The following CCDC32 variants were observed in gnomAD, a reference collection of about 807,000 sequenced individuals.
The protein encoded by CCDC32 is coiled-coil domain-containing protein 32.
Under a neutral mutation model 20.1 loss-of-function variants are expected in CCDC32, and 9 were observed. The ratio of observed to expected loss-of-function variants is 0.45; its 90% CI spans 0.27 to 0.78. The LOEUF is 0.78. Ranked by LOEUF, CCDC32 falls within the 30% of genes least tolerant of loss-of-function variation. The pLI, the probability that CCDC32 is intolerant of heterozygous loss-of-function variation, is 0.16. For missense variants in CCDC32, 204 were observed against 215.5 expected (o/e 0.95, Z 0.33); for synonymous variants, 63 against 79.0 (o/e 0.80, Z 1.07).
downstream of CCDC32, chr15:40,534,858 A>T (rs564651536): frequency 2.4e-5 from 17 of 702,258 alleles, no homozygotes; most frequent in Middle Eastern, 2.3e-4. Flanking sequence ...AGGGACACAA[A>T]CACACAGTCC....
intron 2 of CCDC32, 39 bp downstream of exon 2, chr15:40,562,733 C>A (rs774566913): frequency 1.9e-6 from 3 of 1,578,450 alleles, no homozygotes; most frequent in Admixed American, 3.7e-5. Flanking sequence ...TTTGATGTAA[C>A]AGAACTTCAA....
rs1257814086 is a variant in CCDC32, at chr15:40,553,682, C to T, written c.*289G>A. The stretch of plus-strand genomic sequence containing the variant: ...CTAACCTGCAGAGACAGAGCTCAGC[C>T]AAGCTGTGAGACACAGAGGAAAGCA... On this transcript the variant is annotated 3_prime_UTR_variant, in exon 4 of 4. Coordinates refer to ENST00000416810, the MANE Select transcript of CCDC32 (RefSeq NM_001080792.4). The T allele has an allele frequency of 8.4e-7, 1 of 1,189,828 alleles. No individual in the cohort carries two copies. The highest frequency in any genetic ancestry group is 1.0e-6 in the Non-Finnish European group (1 of 961,754). 73.7% of individuals were successfully genotyped at this position (1,189,828 alleles called of 1,614,324 possible).
chr15:40,522,336 C>T, the CCDC32 span, among the ~76,000 whole-genome samples: 1 of 152,300 alleles, frequency 6.6e-6, no homozygotes, highest in African/African-American at 2.4e-5. Context: ...TATGGCAGTA[C>T]CACACTGTCT....
At chr15:40,564,799 A>T (rs199641133) in intron 1 of CCDC32, 177 bp downstream of exon 1, 81 of 1,614,164 alleles carry the variant, frequency 5.0e-5, no homozygotes, top group Non-Finnish European at 6.0e-5. Context: ...ACCCCAGGGC[A>T]GGGCGTCCAG....
intron 3 of CCDC32, among the ~76,000 whole-genome samples, chr15:40,541,358 A>G (rs1309945088): frequency 1.4e-5 from 2 of 147,164 alleles, no homozygotes; most frequent in African/African-American, 5.1e-5. Context: ...TTTGAGACGG[A>G]GTCTCGCTCT....
intron 2 of CCDC32, among the ~76,000 whole-genome samples, chr15:40,559,106 C>T (rs1595894260): frequency 6.9e-6 from 1 of 145,228 alleles, no homozygotes; most frequent in African/African-American, 2.6e-5. Flanking sequence ...CTCTCTTTCT[C>T]AACAAGGTCT....
chr15:40,522,519 T>G, the CCDC32 span, among the ~76,000 whole-genome samples: 1 of 152,240 alleles, frequency 6.6e-6, no homozygotes, highest in African/African-American at 2.4e-5. Context: ...TTGCTGTAGA[T>G]TGCAATGAAT....
intron 2 of CCDC32, among the ~76,000 whole-genome samples, chr15:40,560,870 G>A (rs1439514025): frequency 6.6e-6 from 1 of 152,162 alleles, no homozygotes; most frequent in East Asian, 1.9e-4. Context: ...ACTACGAGGT[G>A]TTTACCCAAA....
At chr15:40,553,053 C>T, downstream of CCDC32, 2 of 937,918 alleles carry the variant, frequency 2.1e-6, no homozygotes, top group Non-Finnish European at 2.5e-6. Context: ...TGCCTGGGAA[C>T]ATCCTTCCAG....
At chr15:40,559,276 A>G (rs970836913) in intron 2 of CCDC32, among the ~76,000 whole-genome samples, 1 of 152,190 alleles carries the variant, frequency 6.6e-6, no homozygotes, top group Non-Finnish European at 1.5e-5. Context: ...ATTTGTAAAG[A>G]CAGTCTCACT....
At chr15:40,549,130 T>C (rs1889739340), downstream of CCDC32, among the ~76,000 whole-genome samples, 1 of 152,172 alleles carries the variant, frequency 6.6e-6, no homozygotes, top group Admixed American at 6.5e-5. Flanking sequence ...ATGGCAGCCA[T>C]AACCTTCTAG....
downstream of CCDC32, among the ~76,000 whole-genome samples, chr15:40,524,179 C>T (rs958214838): frequency 6.6e-5 from 6 of 90,702 alleles, no homozygotes; most frequent in East Asian, 3.6e-4. Flanking sequence ...TTTTTTGAGA[C>T]GGGAGTCTGG....
chr15:40,534,956 C>T (rs1041137554), downstream of CCDC32: 1 of 702,386 alleles, frequency 1.4e-6, no homozygotes, highest in African/African-American at 1.7e-5. Context: ...TATGATCTGC[C>T]ACTTGGTATC....
intron 2 of CCDC32, among the ~76,000 whole-genome samples, chr15:40,559,037 C>G (rs745623728): frequency 6.6e-6 from 1 of 151,918 alleles, no homozygotes; most frequent in Non-Finnish European, 1.5e-5. Flanking sequence ...CTCCTGACCT[C>G]ATGTGATCTG....
Position 40,539,301 on chromosome 15 carries a change from C to T in CCDC32, c.456G>A (p.Trp152Ter). 6.5e-7 allele frequency: 1 copy of T among 1,535,578 alleles called. No individual in the cohort carries two copies. Among genetic ancestry groups the T allele is most frequent in the Non-Finnish European group, 8.7e-7 (1 of 1,146,736 alleles). ...TCTGCTCAGCACACTGGTGGCTGTCCCACGCTCCATCCTCAGAAAAGCTGC... is the reference window on the plus strand; with the variant it reads ...TCTGCTCAGCACACTGGTGGCTGTCTCACGCTCCATCCTCAGAAAAGCTGC... Residue 152 changes from tryptophan (W) to a stop codon, truncating the protein, a stop_gained, in exon 4 of 4, where the codon TGG becomes TGA. Coordinates refer to the CCDC32 transcript ENST00000558113. LOFTEE classifies it high-confidence loss of function.
chr15:40,553,842 T>C lies in CCDC32; in HGVS notation c.*129A>G, dbSNP rs2141631795. 7.1e-7 allele frequency: 1 copy of C among 1,414,372 alleles called. No homozygotes were observed. Among genetic ancestry groups the C allele is most frequent in the South Asian group, 1.6e-5 (1 of 61,322 alleles). 87.6% of individuals were successfully genotyped at this position (1,414,372 alleles called of 1,614,324 possible). ...AATTTGGGTTTTTTCCTTCAGTGGA[T>C]TTCTCCCTGCTGCTGTCACTGAGCT... On this transcript the variant is annotated 3_prime_UTR_variant, in exon 4 of 4. Coordinates refer to ENST00000416810, the MANE Select transcript of CCDC32 (RefSeq NM_001080792.4).
At chr15:40,539,333 C>T in exon 4 of CCDC32, 1 of 1,535,570 alleles carries the variant, frequency 6.5e-7, no homozygotes. Context: ...CTGCTGCTGC[C>T]AGGGGTTCTG....
chr15:40,553,576 T>A lies in CCDC32; in HGVS notation c.*395A>T, dbSNP rs1890015041. ...AATGTCCGGAAGAGGCAAGAAAATA[T>A]ATGGCTCACTTAACTTACACATTAC... On this transcript the variant is annotated 3_prime_UTR_variant, in exon 4 of 4. Coordinates refer to ENST00000416810, the MANE Select transcript of CCDC32 (RefSeq NM_001080792.4). 2.0e-6 allele frequency: 2 copies of A among 995,944 alleles called. No homozygotes were observed. Among genetic ancestry groups the A allele is most frequent in the African/African-American group, 3.5e-5 (2 of 57,698 alleles). 61.7% of individuals were successfully genotyped at this position (995,944 alleles called of 1,614,324 possible).
At chr15:40,540,361 TTTC>T (rs1250835243) in intron 3 of CCDC32, among the ~76,000 whole-genome samples, 2 of 151,178 alleles carry the variant, frequency 1.3e-5, no homozygotes, top group Non-Finnish European at 2.9e-5. Context: ...TTTTTTTCTT[TTTC>T]TTTTTCTTTT....
Sources: allele counts gnomAD v4.1 joint callset (sites outside exome capture counted in the v4.1 genomes callset), GRCh38; gene constraint gnomAD v4.1.1; transcripts MANE v1.5; gene names NCBI Gene and HGNC (gene_info 2026-07-23, HGNC 2026-07-21).